Variants in CHRM2 observed in about 807,000 individuals in gnomAD.
The protein encoded by CHRM2 is cholinergic receptor muscarinic 2, also known as muscarinic acetylcholine receptor M2.
In CHRM2, 8 loss-of-function variants were observed where a neutral mutation model predicts 25.0. The observed-to-expected ratio is 0.32, with a 90% confidence interval of 0.19 to 0.58. The LOEUF is 0.58. Ranked by LOEUF, CHRM2 falls within the 20% of genes least tolerant of loss-of-function variation. The pLI, the probability that CHRM2 is intolerant of heterozygous loss-of-function variation, is 0.88. For missense variants in CHRM2, 440 were observed against 567.1 expected (o/e 0.78, Z 2.28); for synonymous variants, 202 against 205.7 (o/e 0.98, Z 0.15).
intron 2 of CHRM2, among the ~76,000 whole-genome samples, chr7:136,970,361 G>C (rs540005753): frequency 6.6e-6 from 1 of 151,704 alleles, no homozygotes; most frequent in Non-Finnish European, 1.5e-5. Flanking sequence ...TAGTCTTTTT[G>C]CCTTCATGAC....
At chr7:136,883,725 T>C (rs1796354159) in intron 2 of CHRM2, among the ~76,000 whole-genome samples, 1 of 152,168 alleles carries the variant, frequency 6.6e-6, no homozygotes, top group Non-Finnish European at 1.5e-5. Flanking sequence ...CTCTTCTGTT[T>C]CCCTGATGTT....
chr7:136,985,645 G>A (rs1222455052), intron 2 of CHRM2, among the ~76,000 whole-genome samples: 1 of 151,714 alleles, frequency 6.6e-6, no homozygotes, highest in Non-Finnish European at 1.5e-5. Context: ...TTATAAGAAA[G>A]GACCTAGATT....
At chr7:136,870,906 T>G (rs1795803814) in intron 2 of CHRM2, 1 of 152,370 alleles carries the variant, frequency 6.6e-6, no homozygotes, top group South Asian at 2.1e-4. Context: ...TTCCCTGTCT[T>G]CTTTTCTTTT....
At chr7:137,010,463 A>G (rs1804728549) in intron 3 of CHRM2, among the ~76,000 whole-genome samples, 1 of 152,020 alleles carries the variant, frequency 6.6e-6, no homozygotes, top group South Asian at 2.1e-4. Context: ...ATCAACTTTT[A>G]TTGCTTTAAC....
At chr7:136,984,432 A>G (rs548625824) in intron 2 of CHRM2, among the ~76,000 whole-genome samples, 1 of 151,966 alleles carries the variant, frequency 6.6e-6, no homozygotes, top group Non-Finnish European at 1.5e-5. Context: ...TTCAGCCCCC[A>G]TTCCAGGGAA....
chr7:136,905,619 T>C (rs911321508), intron 2 of CHRM2, among the ~76,000 whole-genome samples: 1 of 151,800 alleles, frequency 6.6e-6, no homozygotes, highest in Non-Finnish European at 1.5e-5. Flanking sequence ...TTTTAAACTA[T>C]CTGTGCCATT....
intron 2 of CHRM2, among the ~76,000 whole-genome samples, chr7:136,884,842 A>T (rs1264977538): frequency 6.6e-6 from 1 of 152,232 alleles, no homozygotes; most frequent in Non-Finnish European, 1.5e-5. Flanking sequence ...ATTTTGCCAG[A>T]CAATAAAGCA....
At chr7:136,987,275 G>T (rs1563109538) in intron 2 of CHRM2, among the ~76,000 whole-genome samples, 2 of 152,162 alleles carry the variant, frequency 1.3e-5, no homozygotes, top group African/African-American at 2.4e-5. Context: ...TTCTTTTGCT[G>T]CAAGACAATC....
chr7:136,975,720 A>G (rs1040424011), intron 2 of CHRM2, among the ~76,000 whole-genome samples: 2 of 152,158 alleles, frequency 1.3e-5, no homozygotes, highest in Non-Finnish European at 2.9e-5. Context: ...ATCTCTTCCT[A>G]TTGCCTTCAC....
intron 2 of CHRM2, among the ~76,000 whole-genome samples, chr7:136,923,103 T>A (rs1798540655): frequency 6.6e-6 from 1 of 152,136 alleles, no homozygotes; most frequent in African/African-American, 2.4e-5. Flanking sequence ...CAGAGCATTA[T>A]CAGATCATTG....
intron 2 of CHRM2, among the ~76,000 whole-genome samples, chr7:136,941,268 C>T (rs1799756362): frequency 6.6e-6 from 1 of 152,182 alleles, no homozygotes; most frequent in African/African-American, 2.4e-5. Flanking sequence ...CATGCAAAAT[C>T]TTTCATGATC....
At chr7:136,900,740 C>G (rs1231447806) in intron 2 of CHRM2, among the ~76,000 whole-genome samples, 4 of 151,958 alleles carry the variant, frequency 2.6e-5, no homozygotes, top group East Asian at 1.9e-4. Context: ...TTATTTAAAG[C>G]CTGCTCCTAG....
intron 2 of CHRM2, among the ~76,000 whole-genome samples, chr7:136,944,075 G>A (rs1799923657): frequency 2.0e-5 from 3 of 152,038 alleles, no homozygotes; most frequent in Admixed American, 2.0e-4. Flanking sequence ...CTTTCGAGTT[G>A]GCTTTCATTT....
chr7:136,909,767 A>G (rs570911768), intron 2 of CHRM2, among the ~76,000 whole-genome samples: 1 of 152,096 alleles, frequency 6.6e-6, no homozygotes, highest in Non-Finnish European at 1.5e-5. Context: ...ATTTACATGT[A>G]CATGTATACT....
At chr7:136,921,982 A>T (rs1798473892) in intron 2 of CHRM2, among the ~76,000 whole-genome samples, 1 of 151,824 alleles carries the variant, frequency 6.6e-6, no homozygotes, top group Non-Finnish European at 1.5e-5. Context: ...GGCCAGACTC[A>T]TCTCAAACTC....
intron 2 of CHRM2, among the ~76,000 whole-genome samples, chr7:136,879,701 A>C (rs746074866): frequency 6.6e-6 from 1 of 151,942 alleles, no homozygotes; most frequent in Non-Finnish European, 1.5e-5. Flanking sequence ...TTAGTTACAT[A>C]ACACATTCTC....
chr7:137,007,265 T>C (rs1310188977), intron 3 of CHRM2, among the ~76,000 whole-genome samples: 1 of 152,120 alleles, frequency 6.6e-6, no homozygotes, highest in Non-Finnish European at 1.5e-5. Flanking sequence ...CACCAGCAAT[T>C]TGTATCTCCC....
chr7:136,910,800 A>AGTGTGTGTGTGTGTGTGTGT (rs71533718), intron 2 of CHRM2, among the ~76,000 whole-genome samples: 7 of 145,674 alleles, frequency 4.8e-5, no homozygotes, highest in African/African-American at 1.8e-4. Context: ...TTTAAAATTA[A>AGTGTGTGTGTGTGTGTGTGT]GTGTGTGTGT....
chr7:136,896,175 G>A (rs568875532), intron 2 of CHRM2, among the ~76,000 whole-genome samples: 9 of 151,962 alleles, frequency 5.9e-5, no homozygotes, highest in African/African-American at 1.7e-4. Flanking sequence ...ATTCATCTGC[G>A]CTCCAGTCTC....
Sources: allele counts gnomAD v4.1 joint callset (sites outside exome capture counted in the v4.1 genomes callset), GRCh38; gene constraint gnomAD v4.1.1; transcripts MANE v1.5; gene names NCBI Gene and HGNC (gene_info 2026-07-23, HGNC 2026-07-21).